The following ANKRD20A1 variants were observed in gnomAD, a reference collection of about 807,000 sequenced individuals.
ANKRD20A1 encodes ankyrin repeat domain 20 family member A1.
ANKRD20A1 carries 2 observed loss-of-function variants against 50.9 expected under a neutral mutation model. That is an observed-to-expected ratio of 0.04 (90% CI 0.02 to 0.12). The LOEUF (loss-of-function observed/expected upper bound fraction) is 0.12, where lower values mean the gene tolerates loss of function less well. Ranked by LOEUF, ANKRD20A1 falls within the 10% of genes least tolerant of loss-of-function variation. The probability of loss-of-function intolerance (pLI) is 1.00; values close to 1 mark genes in which losing one functional copy is unlikely to be tolerated. For missense variants in ANKRD20A1, 31 were observed against 548.1 expected (o/e 0.06, Z 9.42); for synonymous variants, 10 against 186.2 (o/e 0.05, Z 7.70).
intron 6 of ANKRD20A1, among the ~76,000 whole-genome samples, 195 bp downstream of exon 6, chr9:67,871,407 T>A (rs1827644434): frequency 1.4e-5 from 2 of 137,996 alleles, no homozygotes; most frequent in South Asian, 4.7e-4. Context: ...AGTTTGAAAT[T>A]CAGATTTATT....
intron 9 of ANKRD20A1, among the ~76,000 whole-genome samples, chr9:67,884,999 A>AAAG (rs1564335218): frequency 5.3e-5 from 2 of 38,052 alleles, no homozygotes; most frequent in Admixed American, 3.6e-4. Flanking sequence ...ATAATAAGTA[A>AAAG]AGAAGTGAAA....
intron 8 of ANKRD20A1, among the ~76,000 whole-genome samples, chr9:67,881,264 T>C (rs1220288912): frequency 3.6e-5 from 5 of 138,116 alleles, no homozygotes; most frequent in African/African-American, 1.3e-4. Context: ...ATTGTGGAAA[T>C]ATAGAAATTT....
intron 8 of ANKRD20A1, among the ~76,000 whole-genome samples, chr9:67,882,617 T>C (rs1827818697): frequency 1.3e-5 from 2 of 149,082 alleles, no homozygotes; most frequent in African/African-American, 2.4e-5. Context: ...TTATTAAATA[T>C]ACTTTTTCAA....
In ANKRD20A1 at chr9:67,861,223, ATCT is replaced by A. The variant is rs1477587415; in HGVS notation, c.203+1599_203+1601del. Among the ~76,000 whole-genome samples the A allele has an allele frequency of 8.2e-5, 4 of 48,948 alleles. 2 individuals carry two copies. Among genetic ancestry groups the A allele is most frequent in the African/African-American group, 4.7e-4 (4 of 8,552 alleles). 32.1% of individuals were successfully genotyped at this position (48,948 alleles called of 152,430 possible). ...CTTTATCATTATTGTGTGTGTTGTT[ATCT>A]TCTTTGAGCTTTTAGCCTCTTCAGA... On this transcript the variant is annotated intron_variant, in intron 1 of 14. Transcript: ENST00000562196.
chr9:67,867,664 A>T (rs1198739384), intron 4 of ANKRD20A1, among the ~76,000 whole-genome samples: 5 of 111,042 alleles, frequency 4.5e-5, no homozygotes, highest in African/African-American at 9.8e-5. Context: ...AGTTTTATTA[A>T]TTTTTTTTTT....
intron 3 of ANKRD20A1, among the ~76,000 whole-genome samples, chr9:67,865,708 C>T (rs1359202406): frequency 9.0e-6 from 1 of 110,532 alleles, no homozygotes; most frequent in Non-Finnish European, 2.0e-5. Flanking sequence ...GCAGAAGTTG[C>T]CCCTTTATAG....
chr9:67,884,596 G>C (rs1388286420), intron 9 of ANKRD20A1, 26 bp downstream of exon 9: 1 of 1,591,818 alleles, frequency 6.3e-7, no homozygotes, highest in Non-Finnish European at 8.5e-7. Flanking sequence ...TATTTAAAAA[G>C]TCATCTGATG....
chr9:67,880,819 T>A (rs1827782179), intron 8 of ANKRD20A1, among the ~76,000 whole-genome samples: 1 of 48,904 alleles, frequency 2.0e-5, no homozygotes, highest in African/African-American at 5.7e-5. Context: ...GGAAATGCTT[T>A]CTCCAATAGA....
intron 13 of ANKRD20A1, among the ~76,000 whole-genome samples, chr9:67,898,583 A>G (rs1425272134): frequency 1.1e-5 from 1 of 94,204 alleles, no homozygotes; most frequent in East Asian, 5.1e-4. Flanking sequence ...AAAGAAATAT[A>G]AAAAGTGTGG....
At position 67,860,371 on chromosome 9, in the gene ANKRD20A1, G is replaced by T. The variant is rs1564330711; in HGVS notation, c.203+742G>T. 1.1e-4 allele frequency: 5 copies of T among 43,960 alleles called. 2 individuals carry two copies. The highest frequency in any genetic ancestry group is 2.3e-4 in the Non-Finnish European group (5 of 22,156). 2.7% of individuals were successfully genotyped at this position (43,960 alleles called of 1,614,324 possible). On this transcript the variant is annotated intron_variant, in intron 1 of 14. Coordinates refer to ENST00000562196, the MANE Select transcript of ANKRD20A1 (RefSeq NM_032250.5). ...CTATGTTGTTTATTATATATCATAA[G>T]ATATATATATATTACTGATATGTAT...
chr9:67,865,894 G>A (rs1181242439), intron 3 of ANKRD20A1, among the ~76,000 whole-genome samples: 2 of 149,608 alleles, frequency 1.3e-5, no homozygotes, highest in Admixed American at 6.8e-5. Flanking sequence ...ATAGTCTATA[G>A]AGTATATAAA....
intron 6 of ANKRD20A1, among the ~76,000 whole-genome samples, chr9:67,877,515 A>AAAC (rs58063780): frequency 6.6e-6 from 1 of 151,336 alleles, no homozygotes; most frequent in Non-Finnish European, 1.5e-5. Flanking sequence ...ACCAAAACAA[A>AAAC]AACAACAACA....
chr9:67,878,941 C>T (rs1827767425), intron 7 of ANKRD20A1, among the ~76,000 whole-genome samples: 1 of 55,604 alleles, frequency 1.8e-5, no homozygotes, highest in African/African-American at 3.7e-5. Context: ...TGAAGATAAA[C>T]AACACTGGAT....
At chr9:67,868,360 T>C in intron 4 of ANKRD20A1, 69 bp from the exon 5 acceptor site, 2 of 860,480 alleles carry the variant, frequency 2.3e-6, no homozygotes, top group South Asian at 3.5e-5. Context: ...TGGTAAAGTG[T>C]ATCAAACTAG....
chr9:67,866,561 G>GACACC (rs1419954901), intron 3 of ANKRD20A1, among the ~76,000 whole-genome samples: 1,157 of 88,042 alleles, frequency 0.013, no homozygotes, highest in South Asian at 0.02. Flanking sequence ...CTGGGATCCT[G>GACACC]ACACCATTGA....
At chr9:67,867,694 C>T (rs1480848854) in intron 4 of ANKRD20A1, among the ~76,000 whole-genome samples, 1 of 129,670 alleles carries the variant, frequency 7.7e-6, no homozygotes, top group Non-Finnish European at 1.7e-5. Context: ...GAGTCTTGCT[C>T]TGTTGCCAGG....
At chr9:67,885,000 A>AGGG in intron 9 of ANKRD20A1, among the ~76,000 whole-genome samples, 1 of 27,420 alleles carries the variant, frequency 3.6e-5, no homozygotes, top group Admixed American at 5.0e-4. Context: ...TAATAAGTAA[A>AGGG]GAAGTGAAAT....
chr9:67,861,160 A>C lies in ANKRD20A1; in HGVS notation c.203+1531A>C, dbSNP rs1478803125. On this transcript the variant is annotated intron_variant, in intron 1 of 14. Transcript: ENST00000562196. ...TAATCCTTGGGAAGAGAGGAATATG[A>C]ATCTTGCGCTGATGAAAATAATTTC... 4.3e-5 allele frequency among the ~76,000 whole-genome samples: 2 copies of C among 46,498 alleles called. 1 individual carries two copies. Among genetic ancestry groups the C allele is most frequent in the Non-Finnish European group, 8.5e-5 (2 of 23,520 alleles). 30.5% of individuals were successfully genotyped at this position (46,498 alleles called of 152,430 possible).
rs1337118566 is a variant in ANKRD20A1 at position 67,859,203 on chromosome 9, C to T, written c.-224C>T. On this transcript the variant is annotated 5_prime_UTR_variant, in exon 1 of 15. Transcript: ENST00000562196. ...ACTCGGTCTGAGAGGTCGGAGGCTG[C>T]GAGTGTCGCTGCTGAAGGCTGTGGT... is the stretch of plus-strand genomic sequence containing the variant. The T allele has an allele frequency of 2.5e-4, 80 of 322,260 alleles. 29 individuals carry two copies. Among genetic ancestry groups the T allele is most frequent in the Non-Finnish European group, 3.1e-4 (72 of 231,774 alleles). The allele number at this position is 322,260 out of a possible 1,614,324, so 20.0% of individuals were successfully genotyped here.
Sources: allele counts gnomAD v4.1 joint callset (sites outside exome capture counted in the v4.1 genomes callset), GRCh38; gene constraint gnomAD v4.1.1; transcripts MANE v1.5; gene names NCBI Gene and HGNC (gene_info 2026-07-23, HGNC 2026-07-21).